Variants in SAMD3 observed in about 807,000 individuals in gnomAD.
The protein encoded by SAMD3 is sterile alpha motif domain-containing protein 3.
A neutral mutation model predicts 58.5 loss-of-function variants in SAMD3; 63 were observed. The observed-to-expected ratio is 1.08, with a 90% CI of 0.88 to 1.33. The LOEUF (loss-of-function observed/expected upper bound fraction) is 1.33. Among genes scored for constraint, SAMD3 ranks in the 40% most tolerant of loss-of-function variants. The probability of loss-of-function intolerance (pLI) is 0.00; values close to 1 mark genes in which losing one functional copy is unlikely to be tolerated. For missense variants in SAMD3, 604 were observed against 608.4 expected, an observed-to-expected ratio of 0.99 and a Z score of 0.08; for synonymous variants, 220 against 210.3, an observed-to-expected ratio of 1.05 and a Z score of -0.40.
chr6:130,259,426 G>A (rs1583017855), intron 2 of SAMD3, among the ~76,000 whole-genome samples: 1 of 152,112 alleles, frequency 6.6e-6, no homozygotes, highest in East Asian at 1.9e-4. Context: ...AATGAATGCA[G>A]TGAGAACTCA....
chr6:130,257,939 C>T (rs929894101), intron 2 of SAMD3, among the ~76,000 whole-genome samples: 1 of 152,042 alleles, frequency 6.6e-6, no homozygotes, highest in Non-Finnish European at 1.5e-5. Context: ...GATCCATGCA[C>T]TTATATCTGT....
downstream of SAMD3, among the ~76,000 whole-genome samples, chr6:130,143,561 A>AACTT (rs1189439389): frequency 2.0e-5 from 3 of 152,242 alleles, no homozygotes; most frequent in South Asian, 2.1e-4. Flanking sequence ...GCCTTTCTTA[A>AACTT]ACTTAAAAAA....
At chr6:130,164,866 A>G (rs527366087) in intron 8 of SAMD3, among the ~76,000 whole-genome samples, 67 of 152,132 alleles carry the variant, frequency 4.4e-4, no homozygotes, top group Non-Finnish European at 8.4e-4. Flanking sequence ...AATCCTGCTG[A>G]TTGTACAAAG....
chr6:130,168,407 C>A (rs1302377332), intron 8 of SAMD3, among the ~76,000 whole-genome samples: 1 of 152,082 alleles, frequency 6.6e-6, no homozygotes, highest in East Asian at 1.9e-4. Flanking sequence ...TGCACTCCAG[C>A]CTGGGCGACG....
intron 8 of SAMD3, among the ~76,000 whole-genome samples, chr6:130,175,570 G>A (rs527759875): frequency 1.3e-5 from 2 of 152,034 alleles, no homozygotes; most frequent in South Asian, 4.2e-4. Flanking sequence ...AATTATTCAA[G>A]GACTCGAACT....
At chr6:130,342,887 G>A (rs1777316070) in intron 1 of SAMD3, among the ~76,000 whole-genome samples, 1 of 152,158 alleles carries the variant, frequency 6.6e-6, no homozygotes, top group East Asian at 1.9e-4. Flanking sequence ...TCATGACTTA[G>A]TAAGCAATGT....
chr6:130,320,381 A>C (rs1361866973), intron 1 of SAMD3, among the ~76,000 whole-genome samples: 1 of 152,238 alleles, frequency 6.6e-6, no homozygotes, highest in African/African-American at 2.4e-5. Context: ...AGAATGGCTA[A>C]AATTAAAAAT....
At chr6:130,364,450 C>T (rs147440088) in intron 1 of SAMD3, among the ~76,000 whole-genome samples, 4 of 152,162 alleles carry the variant, frequency 2.6e-5, no homozygotes, top group African/African-American at 7.2e-5. Flanking sequence ...GGTGTTTCCT[C>T]TCAGGAGCTT....
chr6:130,346,533 G>A (rs988056930), intron 1 of SAMD3, among the ~76,000 whole-genome samples: 8 of 152,110 alleles, frequency 5.3e-5, no homozygotes, highest in Non-Finnish European at 1.0e-4. Context: ...GAGGGGCTCC[G>A]GCCATTGCCC....
intron 2 of SAMD3, among the ~76,000 whole-genome samples, chr6:130,248,227 GTTTGT>G (rs992871509): frequency 3.1e-4 from 47 of 150,252 alleles, no homozygotes; most frequent in Middle Eastern, 3.4e-3. Flanking sequence ...AATCTGAAAA[GTTTGT>G]TTTGTTTGCT....
intron 2 of SAMD3, among the ~76,000 whole-genome samples, chr6:130,305,781 A>T (rs2114980508): frequency 6.6e-6 from 1 of 152,348 alleles, no homozygotes; most frequent in East Asian, 1.9e-4. Context: ...TTTAAAATAA[A>T]TTGCTAATGT....
At chr6:130,344,021 T>A (rs755844786) in intron 1 of SAMD3, among the ~76,000 whole-genome samples, 2 of 151,420 alleles carry the variant, frequency 1.3e-5, no homozygotes, top group Admixed American at 6.6e-5. Flanking sequence ...ATAACCCCCA[T>A]AAGAGAGTGG....
intron 5 of SAMD3, among the ~76,000 whole-genome samples, chr6:130,188,928 C>T (rs766150795): frequency 6.6e-6 from 1 of 152,000 alleles, no homozygotes; most frequent in Non-Finnish European, 1.5e-5. Context: ...TTGCTTTCTT[C>T]CTCAGAGAAC....
intron 2 of SAMD3, among the ~76,000 whole-genome samples, chr6:130,276,748 G>A (rs1287004271): frequency 6.6e-6 from 1 of 152,096 alleles, no homozygotes; most frequent in African/African-American, 2.4e-5. Flanking sequence ...TGCAGGGTTA[G>A]CCAAGTAGAA....
intron 2 of SAMD3, among the ~76,000 whole-genome samples, chr6:130,286,986 A>G (rs765115426): frequency 6.6e-6 from 1 of 152,228 alleles, no homozygotes. Flanking sequence ...CTGGCATTAC[A>G]GGCATGAGCC....
At chr6:130,319,065 G>A (rs1488592126) in intron 1 of SAMD3, among the ~76,000 whole-genome samples, 2 of 152,174 alleles carry the variant, frequency 1.3e-5, no homozygotes, top group East Asian at 3.9e-4. Flanking sequence ...TGAACTTGAA[G>A]ACATGGTAAT....
chr6:130,302,779 T>C (rs1467888246), intron 2 of SAMD3, among the ~76,000 whole-genome samples: 1 of 152,108 alleles, frequency 6.6e-6, no homozygotes, highest in African/African-American at 2.4e-5. Flanking sequence ...TTTTTTGCAG[T>C]AACATAGATG....
At chr6:130,309,423 G>A (rs1206704502) in intron 2 of SAMD3, among the ~76,000 whole-genome samples, 2 of 152,120 alleles carry the variant, frequency 1.3e-5, no homozygotes, top group African/African-American at 4.8e-5. Context: ...TAATATCATG[G>A]CACACAAAAC....
chr6:130,235,371 A>G (rs1773110251), intron 2 of SAMD3, among the ~76,000 whole-genome samples: 1 of 152,240 alleles, frequency 6.6e-6, no homozygotes, highest in Non-Finnish European at 1.5e-5. Flanking sequence ...TTTGAAAATA[A>G]TAATTTTATT....
Sources: allele counts gnomAD v4.1 joint callset (sites outside exome capture counted in the v4.1 genomes callset), GRCh38; gene constraint gnomAD v4.1.1; transcripts MANE v1.5; gene names NCBI Gene and HGNC (gene_info 2026-07-23, HGNC 2026-07-21).